The following ENTREP2 variants were observed in gnomAD, a reference collection of about 807,000 sequenced individuals.
ENTREP2 encodes the protein endosomal transmembrane epsin interactor 2, also known as protein ENTREP2.
At chr15:29,485,724 A>C in the ENTREP2 span, among the ~76,000 whole-genome samples, 1 of 152,242 alleles carries the variant, frequency 6.6e-6, no homozygotes, top group Admixed American at 6.5e-5. Flanking sequence ...TTTCAAAAGA[A>C]GACATACAAA....
chr15:29,660,380 T>G, the ENTREP2 span, among the ~76,000 whole-genome samples: 1 of 152,202 alleles, frequency 6.6e-6, no homozygotes, highest in Non-Finnish European at 1.5e-5. Flanking sequence ...GCCCTTCTGC[T>G]GTCCATCCTG....
the ENTREP2 span, among the ~76,000 whole-genome samples, chr15:29,298,280 G>C: frequency 1.3e-5 from 2 of 152,068 alleles, no homozygotes; most frequent in South Asian, 4.1e-4. Flanking sequence ...ATTTATTAGA[G>C]AAGTAAAGCT....
the ENTREP2 span, among the ~76,000 whole-genome samples, chr15:29,300,041 A>G: frequency 6.6e-6 from 1 of 150,786 alleles, no homozygotes; most frequent in African/African-American, 2.4e-5. Context: ...GAATGGGTAG[A>G]TAGATGGATA....
At chr15:29,611,887 G>T in the ENTREP2 span, among the ~76,000 whole-genome samples, 1 of 152,172 alleles carries the variant, frequency 6.6e-6, no homozygotes, top group Non-Finnish European at 1.5e-5. Flanking sequence ...AACCAAGGCT[G>T]CCATTTCTGC....
the ENTREP2 span, among the ~76,000 whole-genome samples, chr15:29,629,572 T>C: frequency 6.6e-6 from 1 of 152,194 alleles, no homozygotes; most frequent in Non-Finnish European, 1.5e-5. Context: ...TTTACTTCCC[T>C]TTATTTCCCT....
At chr15:29,454,937 A>AG in the ENTREP2 span, among the ~76,000 whole-genome samples, 1 of 152,242 alleles carries the variant, frequency 6.6e-6, no homozygotes, top group Non-Finnish European at 1.5e-5. Context: ...CACTTAGAAC[A>AG]GTGGCTGTGG....
At chr15:29,423,308 GT>G in the ENTREP2 span, among the ~76,000 whole-genome samples, 10 of 152,024 alleles carry the variant, frequency 6.6e-5, no homozygotes, top group Non-Finnish European at 1.0e-4. Context: ...ATAAGTTAGG[GT>G]TTTTTTCCTT....
At chr15:29,347,328 A>AATTTT in the ENTREP2 span, among the ~76,000 whole-genome samples, 2 of 151,862 alleles carry the variant, frequency 1.3e-5, no homozygotes, top group African/African-American at 2.4e-5. Context: ...GTGCCTGGCT[A>AATTTT]ATTTTATTTT....
chr15:29,187,278 C>T, the ENTREP2 span, among the ~76,000 whole-genome samples: 1 of 151,230 alleles, frequency 6.6e-6, no homozygotes, highest in African/African-American at 2.4e-5. Context: ...TTCTTTTCTT[C>T]TTTTTTTTTC....
chr15:29,569,370 A>T, the ENTREP2 span: 1 of 152,260 alleles, frequency 6.6e-6, no homozygotes. Context: ...GAACTTAAAA[A>T]ACAAAGACCA....
At chr15:29,173,784 T>G in the ENTREP2 span, among the ~76,000 whole-genome samples, 2 of 152,182 alleles carry the variant, frequency 1.3e-5, no homozygotes, top group Non-Finnish European at 2.9e-5. Flanking sequence ...TGAAGCATTT[T>G]CAGGCATTTA....
At chr15:29,616,771 G>T in the ENTREP2 span, among the ~76,000 whole-genome samples, 1 of 152,110 alleles carries the variant, frequency 6.6e-6, no homozygotes, top group African/African-American at 2.4e-5. Flanking sequence ...GCTATACAGA[G>T]ATAAATAAGA....
At chr15:29,515,535 T>C in the ENTREP2 span, among the ~76,000 whole-genome samples, 165 of 152,220 alleles carry the variant, frequency 1.1e-3, no homozygotes, top group African/African-American at 3.9e-3. Context: ...TCACATAAAG[T>C]TACCATCACA....
chr15:29,481,086 G>A, the ENTREP2 span, among the ~76,000 whole-genome samples: 1 of 152,204 alleles, frequency 6.6e-6, no homozygotes, highest in African/African-American at 2.4e-5. Context: ...AAAGGATGCT[G>A]TGCCCAGAGT....
chr15:29,545,524 G>C, the ENTREP2 span, among the ~76,000 whole-genome samples: 1 of 152,184 alleles, frequency 6.6e-6, no homozygotes, highest in Non-Finnish European at 1.5e-5. Flanking sequence ...AGCTGCCACT[G>C]GGTAGATATT....
chr15:29,437,300 C>CTGT, the ENTREP2 span, among the ~76,000 whole-genome samples: 1,143 of 152,260 alleles, frequency 7.5e-3, 15 homozygotes, highest in African/African-American at 0.026. Context: ...AAAAACATAA[C>CTGT]TGCAATATTG....
At chr15:29,606,865 T>C in the ENTREP2 span, among the ~76,000 whole-genome samples, 1 of 152,128 alleles carries the variant, frequency 6.6e-6, no homozygotes, top group Non-Finnish European at 1.5e-5. Flanking sequence ...GTTCTTGCTC[T>C]GTCACCCAGG....
At chr15:29,471,295 T>C in the ENTREP2 span, among the ~76,000 whole-genome samples, 1 of 152,238 alleles carries the variant, frequency 6.6e-6, no homozygotes, top group Non-Finnish European at 1.5e-5. Context: ...GGCTAATGCA[T>C]TGTGCAGAGA....
At chr15:29,138,653 G>A in the ENTREP2 span, among the ~76,000 whole-genome samples, 1 of 151,684 alleles carries the variant, frequency 6.6e-6, no homozygotes, top group Non-Finnish European at 1.5e-5. Context: ...GTATGTGTAT[G>A]TGCATGTAGA....
Sources: allele counts gnomAD v4.1 joint callset (sites outside exome capture counted in the v4.1 genomes callset), GRCh38; gene constraint gnomAD v4.1.1; transcripts MANE v1.5; gene names NCBI Gene and HGNC (gene_info 2026-07-23, HGNC 2026-07-21).